Variants in EPB41L4A observed in about 807,000 individuals in gnomAD.
The protein encoded by EPB41L4A is band 4.1-like protein 4A.
EPB41L4A carries 100 observed loss-of-function variants against 108.6 expected under a neutral mutation model. The observed-to-expected ratio is 0.92, with a 90% CI of 0.78 to 1.09. The LOEUF is 1.09. Among genes scored for constraint, EPB41L4A ranks in the 50% least tolerant of loss-of-function variants. EPB41L4A has a pLI of 0.00. For synonymous variants in EPB41L4A, 319 were observed against 289.0 expected (o/e 1.10, Z -1.05); for missense variants, 1,030 against 842.7 (o/e 1.22, Z -2.75).
chr5:112,360,027 T>C (rs559654873), intron 1 of EPB41L4A, among the ~76,000 whole-genome samples: 3 of 152,314 alleles, frequency 2.0e-5, no homozygotes, highest in South Asian at 4.1e-4. Flanking sequence ...GGCTAACAGA[T>C]TCAACGGAAA....
At chr5:112,367,884 T>A (rs1446823865) in intron 1 of EPB41L4A, among the ~76,000 whole-genome samples, 7 of 149,174 alleles carry the variant, frequency 4.7e-5, no homozygotes, top group African/African-American at 1.8e-4. Flanking sequence ...CTCCACGAAA[T>A]AAAGACCACC....
chr5:112,173,102 T>C (rs1337708350), intron 18 of EPB41L4A, among the ~76,000 whole-genome samples: 1 of 152,228 alleles, frequency 6.6e-6, no homozygotes, highest in South Asian at 2.1e-4. Flanking sequence ...TAAGTGGCTA[T>C]GGTTGGGTGG....
At chr5:112,414,181 C>T (rs1361054578) in intron 1 of EPB41L4A, among the ~76,000 whole-genome samples, 2 of 151,856 alleles carry the variant, frequency 1.3e-5, no homozygotes, top group Non-Finnish European at 2.9e-5. Flanking sequence ...ATATGAAGCA[C>T]GTGTAAAGAT....
chr5:112,419,501 C>T (rs1762954735), upstream of EPB41L4A: 9 of 382,702 alleles, frequency 2.4e-5, no homozygotes, highest in Non-Finnish European at 4.7e-5. Context: ...GAGCGCGGCC[C>T]CGACGTCCTG....
At chr5:112,394,518 G>A (rs1761194905) in intron 1 of EPB41L4A, among the ~76,000 whole-genome samples, 1 of 152,048 alleles carries the variant, frequency 6.6e-6, no homozygotes, top group Non-Finnish European at 1.5e-5. Flanking sequence ...AAATACCTAG[G>A]AATCCAACTT....
chr5:112,308,534 T>C (rs184499613), intron 1 of EPB41L4A, among the ~76,000 whole-genome samples: 4 of 152,344 alleles, frequency 2.6e-5, no homozygotes, highest in East Asian at 1.9e-4. Context: ...ACAAATTCCA[T>C]AGGTATTTTG....
At chr5:112,333,890 G>C (rs1372634270) in intron 1 of EPB41L4A, among the ~76,000 whole-genome samples, 2 of 152,138 alleles carry the variant, frequency 1.3e-5, no homozygotes, top group East Asian at 3.8e-4. Context: ...ACCAACCTTA[G>C]ATCATCTAAA....
At chr5:112,315,912 T>C (rs938882622) in intron 1 of EPB41L4A, among the ~76,000 whole-genome samples, 3 of 152,208 alleles carry the variant, frequency 2.0e-5, no homozygotes, top group Non-Finnish European at 4.4e-5. Flanking sequence ...AAACTTCATC[T>C]CAATGTAACA....
At chr5:112,335,337 T>C (rs1278205891) in intron 1 of EPB41L4A, among the ~76,000 whole-genome samples, 3 of 152,200 alleles carry the variant, frequency 2.0e-5, no homozygotes, top group Non-Finnish European at 4.4e-5. Context: ...AAGAGGAAGA[T>C]TAATCGATTT....
chr5:112,409,504 A>G (rs1762290275), intron 1 of EPB41L4A, among the ~76,000 whole-genome samples: 2 of 152,224 alleles, frequency 1.3e-5, no homozygotes, highest in Non-Finnish European at 2.9e-5. Flanking sequence ...ATCTCAATAA[A>G]GCAGTTTTCA....
intron 1 of EPB41L4A, among the ~76,000 whole-genome samples, chr5:112,415,290 T>C (rs1001659558): frequency 2.0e-5 from 3 of 152,172 alleles, no homozygotes; most frequent in African/African-American, 7.2e-5. Flanking sequence ...GGATGAACTA[T>C]ACACTTTAAC....
intron 18 of EPB41L4A, among the ~76,000 whole-genome samples, chr5:112,178,502 G>T (rs1353589616): frequency 6.6e-6 from 1 of 151,980 alleles, no homozygotes; most frequent in Non-Finnish European, 1.5e-5. Flanking sequence ...TGAGTCTACA[G>T]ATTATTCATC....
At chr5:112,229,060 AT>A (rs1466435892) in intron 12 of EPB41L4A, among the ~76,000 whole-genome samples, 1 of 152,244 alleles carries the variant, frequency 6.6e-6, no homozygotes, top group Non-Finnish European at 1.5e-5. Context: ...GGGACTAGTC[AT>A]CTAGTTTGAT....
intron 17 of EPB41L4A, chr5:112,192,215 T>C (rs539969802): frequency 1.3e-5 from 2 of 152,384 alleles, no homozygotes; most frequent in African/African-American, 4.8e-5. Flanking sequence ...CAGCACAGCA[T>C]AGCAGGTAAG....
chr5:112,310,656 T>C (rs1754990709), intron 1 of EPB41L4A, among the ~76,000 whole-genome samples: 1 of 152,242 alleles, frequency 6.6e-6, no homozygotes, highest in Non-Finnish European at 1.5e-5. Context: ...ATGATGTTTG[T>C]CCTTTCAGCT....
intron 11 of EPB41L4A, among the ~76,000 whole-genome samples, chr5:112,236,337 G>A (rs1018786513): frequency 5.3e-5 from 8 of 152,164 alleles, no homozygotes; most frequent in African/African-American, 1.9e-4. Flanking sequence ...CTGATGGCAT[G>A]GGAGAAGGAA....
chr5:112,159,328 T>C (rs1167945421), downstream of EPB41L4A, among the ~76,000 whole-genome samples: 1 of 152,226 alleles, frequency 6.6e-6, no homozygotes. Flanking sequence ...GTGCTAAAAC[T>C]GGTCTCTGGA....
In EPB41L4A at chr5:112,321,810, A is replaced by C. The variant is rs904369144; in HGVS notation, c.100-14320T>G. ...AGGTGTATTTAACCTATACTAACTGAAGATGGTGCATACTACTTTTTGCCA... is the reference window on the plus strand; with the variant it reads ...AGGTGTATTTAACCTATACTAACTGCAGATGGTGCATACTACTTTTTGCCA... On this transcript the variant is annotated intron_variant, in intron 1 of 22. Transcript: ENST00000261486. Among the ~76,000 whole-genome samples, 8 of 152,220 alleles carry C rather than the reference A, an allele frequency of 5.3e-5. No homozygotes were observed. In the South Asian group the frequency reaches 1.7e-3, roughly 32 times the overall value.
In EPB41L4A at chr5:112,169,050, G is replaced by C. The variant is rs922100221; in HGVS notation, c.1795C>G (p.Gln599Glu). The C allele has an allele frequency of 3.7e-6, 6 of 1,614,058 alleles. No homozygotes were observed. Among genetic ancestry groups the C allele is most frequent in the Non-Finnish European group, 5.1e-6 (6 of 1,180,036 alleles). ...TCTGAACACTGGGACCTGCGATACT[G>C]GCGGTAACTTCGTGGCGAATGAGAA... Reference protein sequence around the residue: ...RHSHSPRSYRQYRRSQCSDGE... With the variant: ...RHSHSPRSYREYRRSQCSDGE... The change falls in exon 21 of 23, where the codon CAG becomes GAG. Residue 599 changes from glutamine to glutamate, a missense_variant. Physicochemically the swap from Gln to Glu is conservative, Grantham distance 29. Transcript: ENST00000261486.
Sources: gnomAD v4.1 joint callset for allele counts (sites outside exome capture counted in the v4.1 genomes callset) on GRCh38, gnomAD v4.1.1 for gene constraint, MANE v1.5 for transcripts, NCBI Gene and HGNC (gene_info 2026-07-23, HGNC 2026-07-21) for gene names.